RALYL: variants seen among roughly 807,000 people sequenced by gnomAD.
RALYL encodes RNA-binding Raly-like protein.
In RALYL, 29 loss-of-function variants were observed where a neutral mutation model predicts 35.1. The ratio of observed to expected loss-of-function variants is 0.83; its 90% CI spans 0.61 to 1.13. The LOEUF (loss-of-function observed/expected upper bound fraction) is 1.13, where lower values mean the gene tolerates loss of function less well. Among genes scored for constraint, RALYL ranks in the 50% most tolerant of loss-of-function variants. The pLI is 0.00. For synonymous variants in RALYL, 120 were observed against 127.6 expected, an observed-to-expected ratio of 0.94 and a Z score of 0.40; for missense variants, 359 against 360.4, an observed-to-expected ratio of 1.00 and a Z score of 0.03.
rs1829547220 is a variant in RALYL at position 84,825,784 on chromosome 8, C to T, written c.365+20982C>T. On this transcript the variant is annotated intron_variant, in intron 4 of 8. Coordinates refer to ENST00000521268, the MANE Select transcript of RALYL (RefSeq NM_173848.7). ...TTGGGAGGCCGAGGCAGGAGAACCG[C>T]TTGAACCCAGGAAGCAGAGGTTGCA... Among the ~76,000 whole-genome samples, 4 of 152,250 alleles carry T rather than the reference C, an allele frequency of 2.6e-5. No individual in the cohort carries two copies. The South Asian group carries it at 8.3e-4, about 32-fold the overall frequency.
At chr8:84,224,926 A>G (rs1823477187) in intron 1 of RALYL, among the ~76,000 whole-genome samples, 1 of 152,154 alleles carries the variant, frequency 6.6e-6, no homozygotes, top group African/African-American at 2.4e-5. Flanking sequence ...AAGGGCTGGG[A>G]TTACAGGCAT....
At position 84,668,646 on chromosome 8, in the gene RALYL, T is replaced by A. The variant is rs771698718; in HGVS notation, c.257-105933T>A. Among the ~76,000 whole-genome samples the A allele has an allele frequency of 3.7e-4, 56 of 152,192 alleles. No homozygotes were observed. In the Middle Eastern group the frequency reaches 0.014, roughly 37 times the overall value. On this transcript the variant is annotated intron_variant, in intron 2 of 8. Transcript: ENST00000521268. ...TGGCATTAAATAGAGAGGCATATATTATGAGACACTGTACAAATAGAACAG... is the reference window on the plus strand; with the variant it reads ...TGGCATTAAATAGAGAGGCATATATAATGAGACACTGTACAAATAGAACAG...
chr8:84,594,863 C>T (rs1340278342), intron 2 of RALYL, among the ~76,000 whole-genome samples: 1 of 152,002 alleles, frequency 6.6e-6, no homozygotes, highest in Non-Finnish European at 1.5e-5. Flanking sequence ...GAACCTTTTC[C>T]ATTTAGAAAA....
intron 1 of RALYL, among the ~76,000 whole-genome samples, chr8:84,423,108 G>A (rs1050482412): frequency 6.7e-6 from 1 of 150,234 alleles, no homozygotes; most frequent in Non-Finnish European, 1.5e-5. Flanking sequence ...TATCCTTGTT[G>A]ACTTTCTGTC....
intron 1 of RALYL, among the ~76,000 whole-genome samples, chr8:84,318,615 G>A (rs568271976): frequency 2.6e-5 from 4 of 151,720 alleles, no homozygotes; most frequent in Non-Finnish European, 5.9e-5. Flanking sequence ...CTTGTTATTG[G>A]CCATTTACTC....
chr8:84,516,664 T>C (rs1244976098), intron 1 of RALYL, among the ~76,000 whole-genome samples: 2 of 152,160 alleles, frequency 1.3e-5, no homozygotes, highest in African/African-American at 4.8e-5. Context: ...CACACCTTTC[T>C]CCACTTTGCT....
intron 2 of RALYL, among the ~76,000 whole-genome samples, chr8:84,767,606 G>C (rs980693751): frequency 2.0e-5 from 3 of 152,128 alleles, no homozygotes; most frequent in African/African-American, 7.2e-5. Context: ...AAGTGGGGGC[G>C]TGCCAGGCAT....
intron 4 of RALYL, among the ~76,000 whole-genome samples, chr8:84,837,275 A>G (rs566002612): frequency 1.3e-5 from 2 of 152,334 alleles, no homozygotes; most frequent in South Asian, 2.1e-4. Flanking sequence ...AACTCCTAGT[A>G]TTGCACCTGA....
chr8:84,441,745 C>A (rs1169944311), intron 1 of RALYL, among the ~76,000 whole-genome samples: 5 of 152,026 alleles, frequency 3.3e-5, no homozygotes, highest in African/African-American at 1.2e-4. Flanking sequence ...ATTTAAGTAT[C>A]AATAATGTTT....
chr8:84,824,946 G>A (rs1008831018), intron 4 of RALYL, among the ~76,000 whole-genome samples: 3 of 152,090 alleles, frequency 2.0e-5, no homozygotes, highest in East Asian at 3.8e-4. Context: ...CCTTCGGAAA[G>A]AATTCATGGC....
intron 1 of RALYL, among the ~76,000 whole-genome samples, chr8:84,334,038 T>A (rs555807844): frequency 8.0e-4 from 122 of 151,998 alleles, no homozygotes; most frequent in African/African-American, 2.9e-3. Flanking sequence ...GGGTGCATGC[T>A]ACCACACAGC....
intron 2 of RALYL, among the ~76,000 whole-genome samples, chr8:84,771,385 T>C (rs1367378076): frequency 6.6e-6 from 1 of 152,140 alleles, no homozygotes; most frequent in African/African-American, 2.4e-5. Flanking sequence ...ATATACCGTA[T>C]GGTACACATG....
chr8:84,341,199 A>G (rs1335309878), intron 1 of RALYL, among the ~76,000 whole-genome samples: 2 of 105,606 alleles, frequency 1.9e-5, no homozygotes, highest in East Asian at 5.2e-4. Flanking sequence ...TAGGAGTTTT[A>G]TAATTTTGGC....
chr8:84,264,908 T>C (rs1833002555), intron 1 of RALYL, among the ~76,000 whole-genome samples: 2 of 152,198 alleles, frequency 1.3e-5, no homozygotes, highest in African/African-American at 4.8e-5. Context: ...GTCTAAAATT[T>C]AACATGTAGT....
At chr8:84,433,596 G>A (rs929957551) in intron 1 of RALYL, among the ~76,000 whole-genome samples, 2 of 151,954 alleles carry the variant, frequency 1.3e-5, no homozygotes, top group Non-Finnish European at 2.9e-5. Context: ...GGTCTCACGA[G>A]ATCTGTTGGG....
intron 2 of RALYL, among the ~76,000 whole-genome samples, chr8:84,641,138 CT>C: frequency 6.6e-6 from 1 of 150,916 alleles, no homozygotes; most frequent in Non-Finnish European, 1.5e-5. Context: ...TCTTTATAAC[CT>C]TTTTATTTAA....
At chr8:84,431,681 A>G (rs976078712) in intron 1 of RALYL, among the ~76,000 whole-genome samples, 2 of 152,156 alleles carry the variant, frequency 1.3e-5, no homozygotes, top group Non-Finnish European at 2.9e-5. Context: ...GAACTCACCT[A>G]CAATAATGTC....
At chr8:84,451,870 T>G (rs898136860) in intron 1 of RALYL, among the ~76,000 whole-genome samples, 8 of 151,956 alleles carry the variant, frequency 5.3e-5, no homozygotes, top group Non-Finnish European at 1.2e-4. Context: ...GCTTTGTTTT[T>G]CTCTATAACT....
At chr8:84,776,520 T>A in intron 3 of RALYL, among the ~76,000 whole-genome samples, 1 of 152,316 alleles carries the variant, frequency 6.6e-6, no homozygotes, top group South Asian at 2.1e-4. Context: ...CTGTACCTTG[T>A]TTGAGGTAAA....
Sources: gnomAD v4.1 joint callset for allele counts (sites outside exome capture counted in the v4.1 genomes callset) on GRCh38, gnomAD v4.1.1 for gene constraint, MANE v1.5 for transcripts, NCBI Gene and HGNC (gene_info 2026-07-23, HGNC 2026-07-21) for gene names.